The following WRN variants were observed in gnomAD, a reference collection of about 807,000 sequenced individuals.
The protein encoded by WRN is bifunctional 3'-5' exonuclease/ATP-dependent helicase WRN.
A neutral mutation model predicts 180.7 loss-of-function variants in WRN; 149 were observed. The ratio of observed to expected loss-of-function variants is 0.82; its 90% CI spans 0.72 to 0.94. The LOEUF (loss-of-function observed/expected upper bound fraction) is 0.94, where lower values mean the gene tolerates loss of function less well. WRN is among the 40% of genes least tolerant of loss of function. The pLI, the probability that WRN is intolerant of heterozygous loss-of-function variation, is 0.00. For missense variants in WRN, 1,661 were observed against 1,700.1 expected (o/e 0.98, Z 0.40); for synonymous variants, 548 against 568.9 (o/e 0.96, Z 0.52).
At chr8:31,168,620 G>A (rs1433791586) in intron 34 of WRN, among the ~76,000 whole-genome samples, 1 of 143,664 alleles carries the variant, frequency 7.0e-6, no homozygotes, top group African/African-American at 2.5e-5. Flanking sequence ...GGGTGTTGGG[G>A]CTGGGAAGTA....
chr8:31,059,050 CTT>C, intron 2 of WRN, 101 bp from the exon 3 acceptor site: 1 of 909,374 alleles, frequency 1.1e-6, no homozygotes, highest in Non-Finnish European at 1.8e-6. Flanking sequence ...ATTGATAAAA[CTT>C]AGAACTATAA....
intron 21 of WRN, among the ~76,000 whole-genome samples, chr8:31,120,837 C>G (rs11574316): frequency 6.6e-6 from 1 of 151,970 alleles, no homozygotes; most frequent in Non-Finnish European, 1.5e-5. Context: ...ATTCTTTCTT[C>G]CCATGCTACA....
intron 1 of WRN, among the ~76,000 whole-genome samples, chr8:31,034,407 T>C (rs1228899820): frequency 1.3e-5 from 2 of 152,208 alleles, no homozygotes; most frequent in African/African-American, 4.8e-5. Flanking sequence ...CTTTTTTTCC[T>C]AGTTGAATCT....
At chr8:31,090,585 G>A in intron 14 of WRN, 53 bp downstream of exon 14, 5 of 1,522,594 alleles carry the variant, frequency 3.3e-6, no homozygotes, top group Middle Eastern at 1.9e-4. Context: ...AACATAAAGA[G>A]TTTGAAATGC....
At chr8:31,155,584 T>C (rs2130474031) in intron 32 of WRN, among the ~76,000 whole-genome samples, 1 of 143,926 alleles carries the variant, frequency 6.9e-6, no homozygotes, top group South Asian at 2.2e-4. Context: ...ATTGCGACAC[T>C]GCATTCCAAC....
intron 28 of WRN, 137 bp downstream of exon 28, chr8:31,143,760 G>C (rs1472611369): frequency 1.6e-6 from 1 of 620,252 alleles, no homozygotes; most frequent in East Asian, 2.8e-5. Flanking sequence ...TTCAGTATTA[G>C]AATGATCAAA....
intron 34 of WRN, among the ~76,000 whole-genome samples, chr8:31,172,352 G>A (rs1322684287): frequency 6.6e-6 from 1 of 152,096 alleles, no homozygotes; most frequent in East Asian, 1.9e-4. Context: ...AGGGTTAGAG[G>A]CTCTTTGGCA....
At chr8:31,089,262 T>C (rs1157304271) in intron 13 of WRN, among the ~76,000 whole-genome samples, 1 of 152,096 alleles carries the variant, frequency 6.6e-6, no homozygotes, top group African/African-American at 2.4e-5. Flanking sequence ...TGACTTGTTT[T>C]TCATTAAACG....
chr8:31,151,011 G>A (rs560794413), intron 31 of WRN, among the ~76,000 whole-genome samples: 32 of 152,162 alleles, frequency 2.1e-4, no homozygotes, highest in Middle Eastern at 3.4e-3. Flanking sequence ...TAAACTCCAC[G>A]TAGCAGACTC....
At position 31,174,756 on chromosome 8, in the gene WRN, CTCT is replaced by C. The variant is rs768531784; in HGVS notation, c.*1662_*1664del. The stretch of plus-strand genomic sequence containing the variant: ...CTCCTCCTCCTTCTTCTTCCTCTTC[CTCT>C]TCTTCTTTCTCTCTTTCCTTCCTTC... On this transcript the variant is annotated 3_prime_UTR_variant, in exon 35 of 35. Transcript: ENST00000298139. Among the ~76,000 whole-genome samples, 102 of 146,884 alleles carry C rather than the reference CTCT, an allele frequency of 6.9e-4. 1 individual carries two copies. Among genetic ancestry groups the C allele is most frequent in the East Asian group, 3.8e-3 (19 of 5,020 alleles).
intron 33 of WRN, among the ~76,000 whole-genome samples, chr8:31,161,445 T>C (rs1803611803): frequency 6.6e-6 from 1 of 152,184 alleles, no homozygotes; most frequent in South Asian, 2.1e-4. Context: ...GTACAGCATG[T>C]GACTTTACTG....
At chr8:31,036,763 T>C (rs1811466981) in intron 1 of WRN, among the ~76,000 whole-genome samples, 1 of 152,244 alleles carries the variant, frequency 6.6e-6, no homozygotes, top group South Asian at 2.1e-4. Context: ...GAAATTAACC[T>C]CTTATTAGAT....
intron 31 of WRN, among the ~76,000 whole-genome samples, chr8:31,154,269 C>T (rs1803277062): frequency 6.6e-6 from 1 of 151,958 alleles, no homozygotes; most frequent in South Asian, 2.1e-4. Context: ...TCTGTTCATT[C>T]ATTCATTCAT....
Position 31,043,675 on chromosome 8 carries a change from A to G in WRN, c.-77+9702A>G, listed in dbSNP as rs78255530. ...TAGACTGTTATTTACTTTATTACTTACAGAAGCCCTTCATACTACTCTCAG... is the reference window on the plus strand; with the variant it reads ...TAGACTGTTATTTACTTTATTACTTGCAGAAGCCCTTCATACTACTCTCAG... On this transcript the variant is annotated intron_variant, in intron 1 of 34. Transcript: ENST00000298139. Among the ~76,000 whole-genome samples, 1,446 of 152,230 alleles carry G rather than the reference A, an allele frequency of 9.5e-3. 7 individuals are homozygous for G. Among genetic ancestry groups the G allele is most frequent in the South Asian group, 0.016 (76 of 4,826 alleles).
At chr8:31,048,157 A>G (rs1811940131) in intron 1 of WRN, among the ~76,000 whole-genome samples, 1 of 152,208 alleles carries the variant, frequency 6.6e-6, no homozygotes, top group Non-Finnish European at 1.5e-5. Context: ...AAATCATCCT[A>G]CTACTTTTAA....
intron 1 of WRN, among the ~76,000 whole-genome samples, chr8:31,038,209 C>T (rs1036563790): frequency 2.6e-5 from 4 of 151,976 alleles, no homozygotes; most frequent in Non-Finnish European, 5.9e-5. Flanking sequence ...ACAAGTGTTC[C>T]AGTTCTCCAT....
intron 21 of WRN, among the ~76,000 whole-genome samples, chr8:31,123,145 T>C (rs1801790824): frequency 6.6e-6 from 1 of 152,016 alleles, no homozygotes; most frequent in South Asian, 2.1e-4. Flanking sequence ...CTGCCTCGAC[T>C]TCCCTTAGAA....
At chr8:31,066,482 C>G (rs1335221878) in intron 5 of WRN, among the ~76,000 whole-genome samples, 1 of 152,066 alleles carries the variant, frequency 6.6e-6, no homozygotes, top group Non-Finnish European at 1.5e-5. Context: ...TTTAAGCAAG[C>G]CTTCTCTTTT....
At chr8:31,079,030 T>C (rs919718514) in intron 8 of WRN, among the ~76,000 whole-genome samples, 16 of 152,350 alleles carry the variant, frequency 1.1e-4, no homozygotes, top group African/African-American at 3.8e-4. Context: ...CCTACTAAAC[T>C]ATTTGCATAT....
Sources: gnomAD v4.1 joint callset for allele counts (sites outside exome capture counted in the v4.1 genomes callset) on GRCh38, gnomAD v4.1.1 for gene constraint, MANE v1.5 for transcripts, NCBI Gene and HGNC (gene_info 2026-07-23, HGNC 2026-07-21) for gene names.